The following HHAT variants were observed in gnomAD, a reference collection of about 807,000 sequenced individuals.
The protein encoded by HHAT is protein-cysteine N-palmitoyltransferase HHAT.
A neutral mutation model predicts 70.8 loss-of-function variants in HHAT; 47 were observed. The ratio of observed to expected loss-of-function variants is 0.66; its 90% CI spans 0.53 to 0.85. The LOEUF is 0.85. Among genes scored for constraint, HHAT ranks in the 40% least tolerant of loss-of-function variants. HHAT has a pLI of 0.00. For missense variants in HHAT, 609 were observed against 604.8 expected, an observed-to-expected ratio of 1.01 and a Z score of -0.07; for synonymous variants, 228 against 247.6, an observed-to-expected ratio of 0.92 and a Z score of 0.74.
intron 11 of HHAT, among the ~76,000 whole-genome samples, chr1:210,624,824 G>A (rs1166275801): frequency 6.6e-6 from 1 of 152,170 alleles, no homozygotes; most frequent in African/African-American, 2.4e-5. Flanking sequence ...TCTTAAAAGA[G>A]AAGATCCCTG....
chr1:210,595,538 C>T (rs1410008435), intron 10 of HHAT, among the ~76,000 whole-genome samples: 3 of 152,170 alleles, frequency 2.0e-5, no homozygotes, highest in Non-Finnish European at 4.4e-5. Flanking sequence ...GAGGAGTCGC[C>T]ACACTGACTT....
At chr1:210,660,917 A>T (rs1361304821) in intron 11 of HHAT, among the ~76,000 whole-genome samples, 1 of 152,238 alleles carries the variant, frequency 6.6e-6, no homozygotes, top group African/African-American at 2.4e-5. Context: ...CATTAATTCA[A>T]GATGGATTAA....
chr1:210,458,471 G>T (rs1046255379), intron 7 of HHAT, among the ~76,000 whole-genome samples: 2 of 152,158 alleles, frequency 1.3e-5, no homozygotes, highest in African/African-American at 4.8e-5. Context: ...TATGTACTTG[G>T]AAAGTACCAT....
rs567636072 is a variant in HHAT at position 210,512,858 on chromosome 1, G to A, written c.1008-295G>A. On this transcript the variant is annotated intron_variant, in intron 8 of 11. Transcript: ENST00000261458. ...AGCTTACACTTGCTGAGACACTTACGCTACTAGAGAGCAGTGTTTCTGCAC... is the reference window on the plus strand; with the variant it reads ...AGCTTACACTTGCTGAGACACTTACACTACTAGAGAGCAGTGTTTCTGCAC... Among the ~76,000 whole-genome samples, 71 of 152,132 alleles carry A rather than the reference G, an allele frequency of 4.7e-4. No homozygotes were observed. In the Middle Eastern group the frequency reaches 0.01, roughly 22 times the overall value.
At chr1:210,508,330 G>A (rs759119123) in intron 8 of HHAT, among the ~76,000 whole-genome samples, 63 of 151,888 alleles carry the variant, frequency 4.1e-4, no homozygotes, top group African/African-American at 1.4e-3. Context: ...GCAAAAGCCC[G>A]CAAATTCTGG....
chr1:210,645,029 AAGTTAATATATTT>A (rs1249419887), intron 11 of HHAT, among the ~76,000 whole-genome samples: 18 of 152,168 alleles, frequency 1.2e-4, no homozygotes, highest in Non-Finnish European at 2.1e-4. Context: ...AATATATTTA[AAGTTAATATATTT>A]AGTTAATATA....
chr1:210,488,166 C>T (rs1244448327), intron 8 of HHAT, among the ~76,000 whole-genome samples: 2 of 152,224 alleles, frequency 1.3e-5, no homozygotes, highest in Non-Finnish European at 2.9e-5. Flanking sequence ...CACAGCACAG[C>T]AATTTATAAC....
intron 7 of HHAT, among the ~76,000 whole-genome samples, chr1:210,430,969 A>G (rs1032961121): frequency 6.6e-6 from 1 of 151,790 alleles, no homozygotes; most frequent in Non-Finnish European, 1.5e-5. Flanking sequence ...ATAGCTGGTA[A>G]TTCTACATCT....
At chr1:210,548,835 G>A (rs1426626138) in intron 9 of HHAT, among the ~76,000 whole-genome samples, 2 of 152,166 alleles carry the variant, frequency 1.3e-5, no homozygotes, top group Non-Finnish European at 2.9e-5. Context: ...TATTTTATCT[G>A]CCTATTAAGG....
chr1:210,384,462 A>C (rs1399864552), intron 3 of HHAT, among the ~76,000 whole-genome samples: 2 of 152,210 alleles, frequency 1.3e-5, no homozygotes, highest in Non-Finnish European at 2.9e-5. Context: ...TGGTAGTATC[A>C]CATCACCTGG....
At chr1:210,435,477 G>A (rs1267075114) in intron 7 of HHAT, among the ~76,000 whole-genome samples, 2 of 151,832 alleles carry the variant, frequency 1.3e-5, no homozygotes, top group Non-Finnish European at 2.9e-5. Context: ...TTTCCATGGG[G>A]TGTGTATCCA....
chr1:210,628,307 G>T (rs185281035), intron 11 of HHAT, among the ~76,000 whole-genome samples: 1 of 151,928 alleles, frequency 6.6e-6, no homozygotes, highest in African/African-American at 2.4e-5. Context: ...GTCCAGGGAA[G>T]CCATGGACTT....
At chr1:210,615,060 C>T (rs898538949) in intron 10 of HHAT, among the ~76,000 whole-genome samples, 5 of 152,212 alleles carry the variant, frequency 3.3e-5, no homozygotes, top group Non-Finnish European at 7.3e-5. Context: ...TCTCCACATC[C>T]TGTCCAGCAC....
At chr1:210,356,993 C>G (rs974723797) in intron 2 of HHAT, among the ~76,000 whole-genome samples, 2 of 152,250 alleles carry the variant, frequency 1.3e-5, no homozygotes, top group African/African-American at 4.8e-5. Context: ...GGGAACTGGA[C>G]AGCCTGTCTT....
intron 6 of HHAT, among the ~76,000 whole-genome samples, chr1:210,406,504 G>A (rs562232586): frequency 3.3e-5 from 5 of 151,528 alleles, no homozygotes; most frequent in Admixed American, 6.6e-5. Flanking sequence ...AGTGATTCCC[G>A]TGTCTGAGCC....
chr1:210,621,077 G>C (rs1668722951), intron 10 of HHAT, among the ~76,000 whole-genome samples: 1 of 152,152 alleles, frequency 6.6e-6, no homozygotes, highest in Non-Finnish European at 1.5e-5. Context: ...TCCTCCTCCT[G>C]CTGTGTCCAG....
chr1:210,671,599 C>T (rs747025304), intron 11 of HHAT, among the ~76,000 whole-genome samples: 1 of 152,104 alleles, frequency 6.6e-6, no homozygotes, highest in African/African-American at 2.4e-5. Context: ...CTTGAGAGGA[C>T]AGAGGGAAGA....
At chr1:210,505,891 A>G (rs2094844635) in intron 8 of HHAT, among the ~76,000 whole-genome samples, 1 of 152,172 alleles carries the variant, frequency 6.6e-6, no homozygotes, top group Non-Finnish European at 1.5e-5. Flanking sequence ...TCCTGGCCAT[A>G]GTCTGTTGCT....
intron 6 of HHAT, among the ~76,000 whole-genome samples, chr1:210,411,660 CAGG>C (rs1193396263): frequency 1.3e-5 from 2 of 152,060 alleles, no homozygotes; most frequent in Non-Finnish European, 1.5e-5. Flanking sequence ...GAGGCTGAGG[CAGG>C]AGGATTGCTT....
Sources: allele counts gnomAD v4.1 joint callset (sites outside exome capture counted in the v4.1 genomes callset), GRCh38; gene constraint gnomAD v4.1.1; transcripts MANE v1.5; gene names NCBI Gene and HGNC (gene_info 2026-07-23, HGNC 2026-07-21).